CERS6: variants seen among roughly 807,000 people sequenced by gnomAD.
CERS6 encodes the protein ceramide synthase 6, also known as LAG1 homolog, ceramide synthase 6.
CERS6 carries 26 observed loss-of-function variants against 56.8 expected under a neutral mutation model. The observed-to-expected ratio is 0.46, with a 90% CI of 0.34 to 0.63. CERS6 has a LOEUF of 0.63. Among genes scored for constraint, CERS6 ranks in the 30% least tolerant of loss-of-function variants. The pLI, the probability that CERS6 is intolerant of heterozygous loss-of-function variation, is 0.01. For missense variants in CERS6, 415 were observed against 467.5 expected (o/e 0.89, Z 1.04); for synonymous variants, 164 against 173.3 (o/e 0.95, Z 0.42).
chr2:168,559,058 A>C (rs1281875387), intron 2 of CERS6, among the ~76,000 whole-genome samples: 1 of 152,204 alleles, frequency 6.6e-6, no homozygotes, highest in African/African-American at 2.4e-5. Context: ...TTAATAAACT[A>C]AGAAAATAAA....
chr2:168,497,839 C>G (rs1352353084), intron 1 of CERS6, among the ~76,000 whole-genome samples: 1 of 152,070 alleles, frequency 6.6e-6, no homozygotes, highest in Admixed American at 6.6e-5. Context: ...TGCAGAAAAA[C>G]CAGTTAGGAG....
chr2:168,704,294 G>A (rs1258949502), intron 6 of CERS6, among the ~76,000 whole-genome samples: 1 of 152,092 alleles, frequency 6.6e-6, no homozygotes, highest in Non-Finnish European at 1.5e-5. Flanking sequence ...GAGCCACGCG[G>A]TGCTGCTGGT....
At chr2:168,611,074 A>G (rs1462938472) in intron 3 of CERS6, among the ~76,000 whole-genome samples, 1 of 152,124 alleles carries the variant, frequency 6.6e-6, no homozygotes, top group Non-Finnish European at 1.5e-5. Flanking sequence ...CTCTCAAAGT[A>G]CTGGGATTAC....
At chr2:168,614,745 C>T (rs1353131644) in intron 3 of CERS6, among the ~76,000 whole-genome samples, 1 of 152,152 alleles carries the variant, frequency 6.6e-6, no homozygotes, top group East Asian at 1.9e-4. Context: ...AGAGCTCAGA[C>T]GTGCCTAGCC....
chr2:168,493,001 G>A (rs983464370), intron 1 of CERS6, among the ~76,000 whole-genome samples: 9 of 151,996 alleles, frequency 5.9e-5, no homozygotes, highest in Admixed American at 5.9e-4. Flanking sequence ...GGATCCATTA[G>A]TACTATTACT....
intron 8 of CERS6, among the ~76,000 whole-genome samples, chr2:168,759,893 G>A (rs1684521126): frequency 6.7e-6 from 1 of 150,348 alleles, no homozygotes. Flanking sequence ...TGTACGTTGT[G>A]TGTGTTTTTT....
At chr2:168,743,995 C>CTTTTTTTTTTTTTTTTTTTTT (rs58256507) in intron 8 of CERS6, among the ~76,000 whole-genome samples, 6 of 63,396 alleles carry the variant, frequency 9.5e-5, no homozygotes, top group Non-Finnish European at 1.4e-4. Context: ...TCTTTTTTTT[C>CTTTTTTTTTTTTTTTTTTTTT]TTTTTTTTTT....
intron 1 of CERS6, among the ~76,000 whole-genome samples, chr2:168,483,386 T>C (rs1694212931): frequency 1.3e-5 from 2 of 152,292 alleles, no homozygotes; most frequent in East Asian, 1.9e-4. Context: ...TACTGGTTAC[T>C]GGTTACTCAA....
intron 1 of CERS6, among the ~76,000 whole-genome samples, chr2:168,486,518 G>T (rs1035541616): frequency 5.1e-5 from 7 of 136,250 alleles, no homozygotes; most frequent in African/African-American, 1.2e-4. Flanking sequence ...GTCTAGATTT[G>T]GTTTTGTTTT....
intron 4 of CERS6, among the ~76,000 whole-genome samples, chr2:168,688,062 G>A (rs1686400617): frequency 6.6e-6 from 1 of 152,154 alleles, no homozygotes; most frequent in Admixed American, 6.6e-5. Context: ...GTAACGTCAT[G>A]TGAAAAAGGC....
chr2:168,690,787 C>T lies in CERS6; in HGVS notation c.466-247C>T, dbSNP rs574284932. Among the ~76,000 whole-genome samples, 4 of 152,204 alleles carry T rather than the reference C, an allele frequency of 2.6e-5. No homozygotes were observed. In the East Asian group the frequency reaches 5.8e-4, roughly 22 times the overall value. ...GTGACCAGCAAAATAGAAAAAACAC[C>T]AGCTGGAACTGCATCCCAAAAGCAG... is the stretch of plus-strand genomic sequence containing the variant. On this transcript the variant is annotated intron_variant, in intron 4 of 9. Coordinates refer to ENST00000305747, the MANE Select transcript of CERS6 (RefSeq NM_203463.3).
intron 3 of CERS6, among the ~76,000 whole-genome samples, chr2:168,601,212 A>G (rs1683924978): frequency 6.6e-6 from 1 of 152,234 alleles, no homozygotes; most frequent in Admixed American, 6.5e-5. Context: ...TTTACCACCT[A>G]GAATTCCATA....
intron 1 of CERS6, among the ~76,000 whole-genome samples, chr2:168,457,785 C>T (rs1211214334): frequency 1.3e-5 from 2 of 152,136 alleles, no homozygotes; most frequent in Non-Finnish European, 2.9e-5. Flanking sequence ...TGGCAGAACG[C>T]GTCTTTTGAG....
chr2:168,516,446 A>C (rs931578786), intron 1 of CERS6, among the ~76,000 whole-genome samples: 2 of 152,210 alleles, frequency 1.3e-5, no homozygotes, highest in African/African-American at 4.8e-5. Flanking sequence ...ATAGCGATTA[A>C]GGGAGCAGAT....
intron 1 of CERS6, among the ~76,000 whole-genome samples, chr2:168,472,143 T>C (rs576752188): frequency 6.6e-6 from 1 of 152,328 alleles, no homozygotes; most frequent in East Asian, 1.9e-4. Flanking sequence ...CAAACTTGCT[T>C]AGCAAATGTT....
intron 8 of CERS6, among the ~76,000 whole-genome samples, chr2:168,730,192 T>C (rs569719870): frequency 1.1e-4 from 17 of 152,270 alleles, no homozygotes; most frequent in Non-Finnish European, 1.8e-4. Context: ...TAGAAACAGA[T>C]CAGATGGAAA....
intron 3 of CERS6, among the ~76,000 whole-genome samples, chr2:168,617,490 T>G (rs866738534): frequency 1.3e-5 from 2 of 152,176 alleles, no homozygotes; most frequent in African/African-American, 4.8e-5. Context: ...ATTAGCAAGA[T>G]TAACCAAGAA....
intron 3 of CERS6, among the ~76,000 whole-genome samples, chr2:168,624,585 G>A (rs1684547596): frequency 6.6e-6 from 1 of 152,042 alleles, no homozygotes; most frequent in African/African-American, 2.4e-5. Flanking sequence ...AGCTGTTACT[G>A]TTTTGTAAAA....
chr2:168,534,365 G>T (rs546130004), intron 1 of CERS6, among the ~76,000 whole-genome samples: 1 of 148,604 alleles, frequency 6.7e-6, no homozygotes, highest in East Asian at 2.0e-4. Flanking sequence ...GTCTAGTTTC[G>T]ATCTTTGAAC....
Sources: allele counts gnomAD v4.1 joint callset (sites outside exome capture counted in the v4.1 genomes callset), GRCh38; gene constraint gnomAD v4.1.1; transcripts MANE v1.5; gene names NCBI Gene and HGNC (gene_info 2026-07-23, HGNC 2026-07-21).